Variants in TAFA2 observed in about 807,000 individuals in gnomAD.
TAFA2 encodes the protein TAFA chemokine like family member 2.
TAFA2 carries 7 observed loss-of-function variants against 18.8 expected under a neutral mutation model. That is an observed-to-expected ratio of 0.37 (90% confidence interval 0.21 to 0.70). The LOEUF is 0.70. Ranked by LOEUF, TAFA2 falls within the 30% of genes least tolerant of loss-of-function variation. The pLI, the probability that TAFA2 is intolerant of heterozygous loss-of-function variation, is 0.53. For synonymous variants in TAFA2, 60 were observed against 54.2 expected (o/e 1.11, Z -0.47); for missense variants, 122 against 158.1 (o/e 0.77, Z 1.23).
At chr12:61,897,015 ATAT>A (rs1165473179) in intron 1 of TAFA2, among the ~76,000 whole-genome samples, 3 of 152,178 alleles carry the variant, frequency 2.0e-5, no homozygotes, top group African/African-American at 7.2e-5. Flanking sequence ...TTACTTTTCC[ATAT>A]TATTTGATAC....
intron 4 of TAFA2, among the ~76,000 whole-genome samples, chr12:61,721,608 CATGACAT>C (rs766411151): frequency 3.8e-4 from 58 of 152,278 alleles, no homozygotes; most frequent in Non-Finnish European, 7.1e-4. Context: ...GAATGAGATT[CATGACAT>C]ATTTCAGTTG....
intron 1 of TAFA2, among the ~76,000 whole-genome samples, chr12:61,952,340 A>G (rs1371258666): frequency 6.6e-6 from 1 of 152,202 alleles, no homozygotes; most frequent in Non-Finnish European, 1.5e-5. Context: ...CAAAAGGATT[A>G]ATAAAATGTA....
At chr12:62,247,821 CTTTAT>C (rs66773971) in intron 1 of TAFA2, among the ~76,000 whole-genome samples, 25,167 of 152,032 alleles carry the variant, frequency 0.17, 2,449 homozygotes, top group East Asian at 0.34. Flanking sequence ...TTAGTGTTCC[CTTTAT>C]TTTGAGTGTT....
At chr12:62,239,871 T>A (rs1281129286) in intron 1 of TAFA2, among the ~76,000 whole-genome samples, 1 of 152,164 alleles carries the variant, frequency 6.6e-6, no homozygotes, top group African/African-American at 2.4e-5. Flanking sequence ...TGAAGTTTCA[T>A]GAGTTAAATA....
chr12:62,067,164 T>C (rs754248275), intron 1 of TAFA2, among the ~76,000 whole-genome samples: 3 of 152,060 alleles, frequency 2.0e-5, no homozygotes, highest in Non-Finnish European at 2.9e-5. Context: ...TTGGGTTATT[T>C]GATTTTTTCC....
At chr12:62,078,086 G>A (rs185977091) in intron 1 of TAFA2, among the ~76,000 whole-genome samples, 83 of 152,130 alleles carry the variant, frequency 5.5e-4, no homozygotes, top group Non-Finnish European at 1.1e-3. Flanking sequence ...CACAGGTCCC[G>A]GTAGACAAGA....
chr12:61,954,661 C>T (rs891568530), intron 1 of TAFA2, among the ~76,000 whole-genome samples: 2 of 152,060 alleles, frequency 1.3e-5, no homozygotes, highest in African/African-American at 4.8e-5. Flanking sequence ...TAATCAGAAT[C>T]CTTCATGTAA....
At chr12:61,858,296 T>C (rs573572382) in intron 2 of TAFA2, among the ~76,000 whole-genome samples, 2 of 152,314 alleles carry the variant, frequency 1.3e-5, no homozygotes, top group African/African-American at 4.8e-5. Context: ...ACCAATTTCC[T>C]GTTTTAAACT....
At chr12:61,906,821 G>T (rs1240192657) in intron 1 of TAFA2, among the ~76,000 whole-genome samples, 1 of 152,194 alleles carries the variant, frequency 6.6e-6, no homozygotes, top group Admixed American at 6.5e-5. Context: ...CTGGAGTAAA[G>T]GTAATGCTTG....
At chr12:61,967,945 G>C (rs1008519009) in intron 1 of TAFA2, among the ~76,000 whole-genome samples, 6 of 151,788 alleles carry the variant, frequency 4.0e-5, no homozygotes, top group Non-Finnish European at 8.8e-5. Context: ...TGTAATCTGG[G>C]TCCAGGCCTG....
Position 62,008,034 on chromosome 12 carries a change from T to G in TAFA2, c.-1-140608A>C, listed in dbSNP as rs139640861. Among the ~76,000 whole-genome samples, 355 of 152,312 alleles carry G rather than the reference T, an allele frequency of 2.3e-3. 3 individuals are homozygous for G. The highest frequency in any genetic ancestry group is 0.01 in the Middle Eastern group (3 of 294). ...CACTATCCTCTCTACTTCTATGAGA[T>G]CAGCCTTTTAAAATTCCACATATGA... On this transcript the variant is annotated intron_variant, in intron 1 of 4. Coordinates refer to ENST00000416284, the MANE Select transcript of TAFA2 (RefSeq NM_178539.5).
At chr12:62,123,412 C>G (rs1276634463) in intron 1 of TAFA2, among the ~76,000 whole-genome samples, 1 of 151,726 alleles carries the variant, frequency 6.6e-6, no homozygotes, top group Non-Finnish European at 1.5e-5. Context: ...AAAAAAAAAG[C>G]TTTCACTGGG....
intron 1 of TAFA2, among the ~76,000 whole-genome samples, chr12:61,891,017 G>C (rs993317062): frequency 6.6e-6 from 1 of 152,144 alleles, no homozygotes; most frequent in Admixed American, 6.6e-5. Flanking sequence ...TCGAATGTCA[G>C]GAAATATGTT....
intron 2 of TAFA2, among the ~76,000 whole-genome samples, chr12:61,795,488 C>G (rs1037172246): frequency 1.3e-5 from 2 of 151,866 alleles, no homozygotes; most frequent in African/African-American, 4.8e-5. Flanking sequence ...GGACAAAAAA[C>G]CAAACACCAC....
intron 1 of TAFA2, among the ~76,000 whole-genome samples, chr12:61,928,034 A>T (rs1877382179): frequency 6.6e-6 from 1 of 152,142 alleles, no homozygotes; most frequent in Non-Finnish European, 1.5e-5. Context: ...AGACTTAAAC[A>T]TAAAACCTAA....
At chr12:62,025,606 T>A (rs1485727714) in intron 1 of TAFA2, among the ~76,000 whole-genome samples, 1 of 151,948 alleles carries the variant, frequency 6.6e-6, no homozygotes, top group South Asian at 2.1e-4. Context: ...TTAAGCAGAG[T>A]GGGTAAAATT....
chr12:62,044,124 T>C (rs1008043740), intron 1 of TAFA2, among the ~76,000 whole-genome samples: 4 of 151,868 alleles, frequency 2.6e-5, no homozygotes, highest in Non-Finnish European at 4.4e-5. Context: ...GCTCCTAAGG[T>C]ATTATTGGGC....
rs556200721 is a variant in TAFA2 at position 61,777,873 on chromosome 12, G to A, written c.107-22849C>T. ...ACTTTTCTTTTAACCCCTGTGGAGAGGTAGGAGGTAGTGTCATCAATGACT... is the reference window on the plus strand; with the variant it reads ...ACTTTTCTTTTAACCCCTGTGGAGAAGTAGGAGGTAGTGTCATCAATGACT... On this transcript the variant is annotated intron_variant, in intron 2 of 4. Coordinates refer to ENST00000416284, the MANE Select transcript of TAFA2 (RefSeq NM_178539.5). Among the ~76,000 whole-genome samples, 5 of 151,856 alleles carry A rather than the reference G, an allele frequency of 3.3e-5. No homozygotes were observed. In the South Asian group the frequency reaches 8.3e-4, roughly 25 times the overall value.
intron 1 of TAFA2, among the ~76,000 whole-genome samples, chr12:62,230,550 T>C (rs1390915010): frequency 6.6e-6 from 1 of 152,244 alleles, no homozygotes; most frequent in African/African-American, 2.4e-5. Flanking sequence ...TTTCTAGTCT[T>C]ATTCCATTGT....
Sources: allele counts gnomAD v4.1 joint callset (sites outside exome capture counted in the v4.1 genomes callset), GRCh38; gene constraint gnomAD v4.1.1; transcripts MANE v1.5; gene names NCBI Gene and HGNC (gene_info 2026-07-23, HGNC 2026-07-21).